MSR1: variants seen among roughly 807,000 people sequenced by gnomAD.
MSR1 encodes macrophage scavenger receptor types I and II.
Under a neutral mutation model 47.2 loss-of-function variants are expected in MSR1, and 53 were observed. That is an observed-to-expected ratio of 1.12 (90% CI 0.90 to 1.41). The LOEUF is 1.41. Ranked by LOEUF, MSR1 falls within the 40% of genes most tolerant of loss-of-function variation. MSR1 has a pLI of 0.00. For synonymous variants in MSR1, 239 were observed against 185.6 expected, an observed-to-expected ratio of 1.29 and a Z score of -2.34; for missense variants, 786 against 546.9, an observed-to-expected ratio of 1.44 and a Z score of -4.36.
intron 8 of MSR1, among the ~76,000 whole-genome samples, chr8:16,138,687 C>A (rs2117099956): frequency 6.6e-6 from 1 of 152,240 alleles, no homozygotes; most frequent in African/African-American, 2.4e-5. Flanking sequence ...CTCTACCTGA[C>A]TTGCAGTGCA....
chr8:16,129,235 C>T (rs1800198726), intron 8 of MSR1, among the ~76,000 whole-genome samples: 1 of 152,092 alleles, frequency 6.6e-6, no homozygotes, highest in African/African-American at 2.4e-5. Flanking sequence ...AAATAATTCA[C>T]ATTAGAATTC....
rs1026811716 is a variant in MSR1 at position 16,136,390 on chromosome 8, A to G, written c.1033+7168T>C. Among the ~76,000 whole-genome samples, 3 of 152,176 alleles carry G rather than the reference A, an allele frequency of 2.0e-5. 1 individual carries two copies. Among genetic ancestry groups the G allele is most frequent in the Non-Finnish European group, 4.4e-5 (3 of 68,018 alleles). ...ATGATTGTTAGCATTTTTTAGCAAT[A>G]AAGTATTTTAAAAATTAAAGAACAC... On this transcript the variant is annotated intron_variant, in intron 8 of 9. Transcript: ENST00000262101.
chr8:16,159,869 G>C (rs901487444), intron 5 of MSR1, among the ~76,000 whole-genome samples: 1 of 151,924 alleles, frequency 6.6e-6, no homozygotes, highest in Non-Finnish European at 1.5e-5. Flanking sequence ...ATCTTAGATG[G>C]ACTTTGAATG....
chr8:16,170,237 A>T (rs1364191974), intron 3 of MSR1, among the ~76,000 whole-genome samples: 1 of 151,784 alleles, frequency 6.6e-6, no homozygotes, highest in East Asian at 1.9e-4. Flanking sequence ...AGGCCCATCT[A>T]CTCAGGAGGC....
chr8:16,129,776 T>C (rs1017860051), intron 8 of MSR1, among the ~76,000 whole-genome samples: 6 of 63,238 alleles, frequency 9.5e-5, no homozygotes, highest in Non-Finnish European at 2.9e-4. Context: ...ATTTACATCT[T>C]AAGGGCAGGA....
chr8:16,150,196 A>T (rs772707299), intron 7 of MSR1, 35 bp downstream of exon 7: 2 of 913,612 alleles, frequency 2.2e-6, no homozygotes, highest in Non-Finnish European at 3.1e-6. Context: ...TTTCTTCTAC[A>T]TATTCTATAA....
At chr8:16,187,502 C>A (rs2117239198) in intron 1 of MSR1, among the ~76,000 whole-genome samples, 1 of 151,844 alleles carries the variant, frequency 6.6e-6, no homozygotes, top group South Asian at 2.1e-4. Context: ...TTTTCTTTCC[C>A]CCAAAAACAT....
At chr8:16,162,503 A>C (rs1485719022) in intron 5 of MSR1, among the ~76,000 whole-genome samples, 3 of 152,038 alleles carry the variant, frequency 2.0e-5, no homozygotes, top group Admixed American at 1.3e-4. Context: ...GTTGTGGGTG[A>C]GCGATGACTA....
chr8:16,158,308 G>C (rs138947025), intron 5 of MSR1, among the ~76,000 whole-genome samples: 155 of 151,864 alleles, frequency 1.0e-3, no homozygotes, highest in Non-Finnish European at 1.6e-3. Context: ...CTTCCTCCAT[G>C]ATTACTTCTT....
chr8:16,189,351 TTTATATATTTTTATA>T (rs1429706090), intron 1 of MSR1, among the ~76,000 whole-genome samples: 4 of 107,888 alleles, frequency 3.7e-5, no homozygotes, highest in South Asian at 2.7e-4. Flanking sequence ...AAAATCTTAT[TTTATATATTTTTATA>T]TATATTTTAT....
intron 8 of MSR1, among the ~76,000 whole-genome samples, chr8:16,138,959 T>C (rs867914758): frequency 2.0e-5 from 3 of 152,194 alleles, no homozygotes; most frequent in Admixed American, 6.5e-5. Flanking sequence ...GGCCCATGCT[T>C]TGTTCTTCAG....
At chr8:16,130,768 T>G (rs1333540291) in intron 8 of MSR1, among the ~76,000 whole-genome samples, 1 of 151,974 alleles carries the variant, frequency 6.6e-6, no homozygotes, top group Non-Finnish European at 1.5e-5. Flanking sequence ...TTTGTAAGGA[T>G]AATGGCCTCC....
intron 6 of MSR1, 93 bp downstream of exon 6, chr8:16,154,971 T>C (rs1800960774): frequency 7.7e-6 from 8 of 1,034,710 alleles, no homozygotes; most frequent in Middle Eastern, 2.5e-4. Context: ...CTCTGCAGGA[T>C]ATAAATAAAA....
At chr8:16,150,209 A>T (rs1458480484) in intron 7 of MSR1, 22 bp downstream of exon 7, 4 of 1,288,456 alleles carry the variant, frequency 3.1e-6, no homozygotes, top group Non-Finnish European at 4.2e-6. Context: ...TTCTATAAAG[A>T]AAATACACAT....
At chr8:16,110,847 C>G (rs1799740911) in intron 9 of MSR1, among the ~76,000 whole-genome samples, 1 of 152,028 alleles carries the variant, frequency 6.6e-6, no homozygotes, top group African/African-American at 2.4e-5. Flanking sequence ...AAACAAACAG[C>G]AAGAAAATGA....
chr8:16,117,276 T>C (rs115199241), intron 9 of MSR1, among the ~76,000 whole-genome samples: 4,111 of 152,198 alleles, frequency 0.027, 84 homozygotes, highest in Middle Eastern at 0.082. Context: ...ATGTGAGGGA[T>C]CTAGGTTGCA....
chr8:16,112,943 G>GTTTTTT (rs71543671), intron 9 of MSR1, among the ~76,000 whole-genome samples: 1 of 87,814 alleles, frequency 1.1e-5, no homozygotes, highest in African/African-American at 3.7e-5. Context: ...TTTTTTTTAA[G>GTTTTTT]TTTTTTTTTT....
At chr8:16,127,221 T>A (rs1277799151) in intron 8 of MSR1, among the ~76,000 whole-genome samples, 3 of 152,158 alleles carry the variant, frequency 2.0e-5, no homozygotes, top group African/African-American at 7.2e-5. Context: ...TGTCCAGGCA[T>A]CTTTATATGA....
At chr8:16,125,483 G>C (rs1343165880) in intron 8 of MSR1, among the ~76,000 whole-genome samples, 1 of 152,034 alleles carries the variant, frequency 6.6e-6, no homozygotes, top group Non-Finnish European at 1.5e-5. Context: ...CTGATTCATT[G>C]AATGTTCATT....
Sources: allele counts gnomAD v4.1 joint callset (sites outside exome capture counted in the v4.1 genomes callset), GRCh38; gene constraint gnomAD v4.1.1; transcripts MANE v1.5; gene names NCBI Gene and HGNC (gene_info 2026-07-23, HGNC 2026-07-21).